Variants in ASCC3 observed in about 807,000 individuals in gnomAD.
The protein encoded by ASCC3 is activating signal cointegrator 1 complex subunit 3, also known as ASC-1 complex subunit P200.
Under a neutral mutation model 256.3 loss-of-function variants are expected in ASCC3, and 158 were observed. The ratio of observed to expected loss-of-function variants is 0.62; its 90% CI spans 0.54 to 0.70. The LOEUF (loss-of-function observed/expected upper bound fraction) is 0.70, where lower values mean the gene tolerates loss of function less well. Ranked by LOEUF, ASCC3 falls within the 30% of genes least tolerant of loss-of-function variation. The pLI, the probability that ASCC3 is intolerant of heterozygous loss-of-function variation, is 0.00. For missense variants in ASCC3, 2,259 were observed against 2,626.0 expected (o/e 0.86, Z 3.05); for synonymous variants, 948 against 883.4 (o/e 1.07, Z -1.30).
intron 4 of ASCC3, among the ~76,000 whole-genome samples, chr6:100,844,201 A>G (rs2114493690): frequency 6.7e-6 from 1 of 149,950 alleles, no homozygotes; most frequent in Admixed American, 6.7e-5. Context: ...ACTGAGAAAA[A>G]AAGTCCCAGA....
chr6:100,863,527 A>G (rs942568028), intron 3 of ASCC3, among the ~76,000 whole-genome samples: 1 of 152,152 alleles, frequency 6.6e-6, no homozygotes, highest in African/African-American at 2.4e-5. Context: ...CAAATCCTTC[A>G]TGCTAGATAG....
chr6:100,524,266 C>G (rs1774453276), intron 37 of ASCC3, among the ~76,000 whole-genome samples: 1 of 152,012 alleles, frequency 6.6e-6, no homozygotes, highest in Admixed American at 6.6e-5. Context: ...AAAATGTGAA[C>G]TCCAGACAAA....
intron 4 of ASCC3, among the ~76,000 whole-genome samples, chr6:100,816,018 C>T (rs1268466814): frequency 6.6e-6 from 1 of 151,968 alleles, no homozygotes; most frequent in African/African-American, 2.4e-5. Flanking sequence ...ATGCATCCAA[C>T]AAAGGTCTAA....
At chr6:100,793,400 T>C (rs540865716) in intron 8 of ASCC3, among the ~76,000 whole-genome samples, 27 of 152,084 alleles carry the variant, frequency 1.8e-4, no homozygotes, top group African/African-American at 6.5e-4. Flanking sequence ...TTAAAAAGCC[T>C]TTTTCTAAAG....
intron 13 of ASCC3, among the ~76,000 whole-genome samples, chr6:100,704,280 T>C (rs1356340213): frequency 5.3e-5 from 8 of 152,034 alleles, no homozygotes; most frequent in Non-Finnish European, 1.2e-4. Context: ...CCTTCGACTC[T>C]AGCTTTTATA....
intron 13 of ASCC3, among the ~76,000 whole-genome samples, chr6:100,701,399 T>A (rs568703999): frequency 6.6e-6 from 1 of 152,266 alleles, no homozygotes; most frequent in African/African-American, 2.4e-5. Context: ...AGATGTGACT[T>A]GCTCCTCCTT....
intron 22 of ASCC3, among the ~76,000 whole-genome samples, chr6:100,644,950 G>A (rs1775308396): frequency 1.3e-5 from 2 of 152,160 alleles, no homozygotes. Context: ...GTCTTTGAAT[G>A]ACATCTTTAA....
intron 4 of ASCC3, among the ~76,000 whole-genome samples, chr6:100,828,668 TG>T (rs1771455872): frequency 6.6e-6 from 1 of 152,114 alleles, no homozygotes. Flanking sequence ...GCGGTGCATC[TG>T]GAGTTGTTCG....
intron 10 of ASCC3, among the ~76,000 whole-genome samples, chr6:100,760,278 G>A (rs115007668): frequency 0.015 from 2,216 of 152,136 alleles, 48 homozygotes; most frequent in African/African-American, 0.051. Context: ...TATGATATTC[G>A]CTGTGGGACT....
At chr6:100,680,122 A>T (rs1386700175) in intron 13 of ASCC3, among the ~76,000 whole-genome samples, 1 of 152,218 alleles carries the variant, frequency 6.6e-6, no homozygotes, top group African/African-American at 2.4e-5. Context: ...TTCCATAAAG[A>T]TGTTTCAAGA....
At chr6:100,788,744 T>C (rs1769209916) in intron 8 of ASCC3, among the ~76,000 whole-genome samples, 1 of 152,014 alleles carries the variant, frequency 6.6e-6, no homozygotes, top group South Asian at 2.1e-4. Context: ...AAGTAACTTA[T>C]ATGACGTATA....
At chr6:100,687,437 C>T (rs992905134) in intron 13 of ASCC3, among the ~76,000 whole-genome samples, 14 of 152,224 alleles carry the variant, frequency 9.2e-5, no homozygotes, top group African/African-American at 3.1e-4. Flanking sequence ...TCTCAGCCCA[C>T]TGCAACCTCC....
chr6:100,620,707 T>C, intron 30 of ASCC3, among the ~76,000 whole-genome samples: 1 of 152,182 alleles, frequency 6.6e-6, no homozygotes, highest in East Asian at 1.9e-4. Flanking sequence ...AATGCTCAAG[T>C]TGTCAACACT....
chr6:100,621,767 T>G lies in ASCC3; in HGVS notation c.4785+3425A>C, dbSNP rs146387006. On this transcript the variant is annotated intron_variant, in intron 30 of 41. Coordinates refer to ENST00000369162, the MANE Select transcript of ASCC3 (RefSeq NM_006828.4). Reference sequence around the variant, plus strand: ...ATACCCAAAGGAATAGAAATCGTTCTATTATAAAGATACGTGCACACGTAT... The same window carrying G: ...ATACCCAAAGGAATAGAAATCGTTCGATTATAAAGATACGTGCACACGTAT... 1.5e-3 allele frequency among the ~76,000 whole-genome samples: 226 copies of G among 152,336 alleles called. 2 individuals carry two copies. Among genetic ancestry groups the G allele is most frequent in the Non-Finnish European group, 2.3e-3 (155 of 68,026 alleles).
Position 100,589,947 on chromosome 6 carries a change from C to A in ASCC3, c.5415+1G>T, listed in dbSNP as rs1771916144. On this transcript the variant is annotated splice_donor_variant, in intron 35 of 41. Coordinates refer to ENST00000369162, the MANE Select transcript of ASCC3 (RefSeq NM_006828.4). LOFTEE classifies it high-confidence loss of function. ...TTAGAATGCATATGACTAAGTCATACCTCTCCAATTTCAATACAGTAGGAA... is the reference window on the plus strand; with the variant it reads ...TTAGAATGCATATGACTAAGTCATAACTCTCCAATTTCAATACAGTAGGAA... The A allele has an allele frequency of 6.2e-7, 1 of 1,607,782 alleles. No homozygotes were observed. The highest frequency in any genetic ancestry group is 8.5e-7 in the Non-Finnish European group (1 of 1,174,476).
intron 38 of ASCC3, among the ~76,000 whole-genome samples, chr6:100,517,706 A>G (rs1774102693): frequency 6.6e-6 from 1 of 152,186 alleles, no homozygotes; most frequent in South Asian, 2.1e-4. Context: ...ATGAAGATTG[A>G]TATTATAAAA....
intron 21 of ASCC3, 39 bp from the exon 22 acceptor site, chr6:100,646,808 C>T (rs1775405299): frequency 6.3e-7 from 1 of 1,591,690 alleles, no homozygotes; most frequent in East Asian, 2.2e-5. Context: ...TGTGTCCAGG[C>T]AGAAAAAAGC....
chr6:100,821,935 C>T (rs1771069147), intron 4 of ASCC3, among the ~76,000 whole-genome samples: 1 of 152,058 alleles, frequency 6.6e-6, no homozygotes, highest in African/African-American at 2.4e-5. Flanking sequence ...TAGATGATTC[C>T]ATTTGTACAA....
At chr6:100,563,155 A>G (rs1266056424) in intron 36 of ASCC3, among the ~76,000 whole-genome samples, 2 of 152,112 alleles carry the variant, frequency 1.3e-5, no homozygotes, top group African/African-American at 2.4e-5. Flanking sequence ...CAGAATTATG[A>G]CATATATTAA....
Sources: gnomAD v4.1 joint callset for allele counts (sites outside exome capture counted in the v4.1 genomes callset) on GRCh38, gnomAD v4.1.1 for gene constraint, MANE v1.5 for transcripts, NCBI Gene and HGNC (gene_info 2026-07-23, HGNC 2026-07-21) for gene names.